PTPRR: variants seen among roughly 807,000 people sequenced by gnomAD.
PTPRR encodes receptor-type tyrosine-protein phosphatase R.
In PTPRR, 38 loss-of-function variants were observed where a neutral mutation model predicts 77.2. The observed-to-expected ratio is 0.49, with a 90% CI of 0.38 to 0.65. The LOEUF (loss-of-function observed/expected upper bound fraction) is 0.65, where lower values mean the gene tolerates loss of function less well. Among genes scored for constraint, PTPRR ranks in the 30% least tolerant of loss-of-function variants. The pLI is 0.00. For synonymous variants in PTPRR, 299 were observed against 283.1 expected, an observed-to-expected ratio of 1.06 and a Z score of -0.57; for missense variants, 744 against 799.2, an observed-to-expected ratio of 0.93 and a Z score of 0.83.
At chr12:70,799,142 C>A (rs1306235860) in intron 2 of PTPRR, among the ~76,000 whole-genome samples, 1 of 152,226 alleles carries the variant, frequency 6.6e-6, no homozygotes, top group South Asian at 2.1e-4. Context: ...TACCTGTACA[C>A]ATTAATTTTT....
chr12:70,880,900 G>C (rs748263464), intron 2 of PTPRR, among the ~76,000 whole-genome samples: 10 of 151,972 alleles, frequency 6.6e-5, no homozygotes, highest in Non-Finnish European at 1.3e-4. Flanking sequence ...GCATAGACTT[G>C]ATTTTATCAA....
At chr12:70,900,934 G>A (rs6581973) in intron 1 of PTPRR, among the ~76,000 whole-genome samples, 92,566 of 151,060 alleles carry the variant, frequency 0.61, 28,687 homozygotes, top group Non-Finnish European at 0.67. Context: ...ATGTAAATGA[G>A]TACAGGTGGT....
At position 70,746,114 on chromosome 12, in the gene PTPRR, G is replaced by A. The variant is rs780940321; in HGVS notation, c.739-28C>T. The A allele has an allele frequency of 3.8e-6, 6 of 1,586,170 alleles. No individual in the cohort carries two copies. In the South Asian group the frequency reaches 6.8e-5, roughly 18 times the overall value. On this transcript the variant is annotated intron_variant, in intron 5 of 13. Coordinates refer to ENST00000283228, the MANE Select transcript of PTPRR (RefSeq NM_002849.4). Reference sequence around the variant, plus strand: ...ATAGAAGGAGATATAAAAAACTCCTGTCACATTTTCTCACACTAAACAAGA... The same window carrying A: ...ATAGAAGGAGATATAAAAAACTCCTATCACATTTTCTCACACTAAACAAGA...
intron 2 of PTPRR, among the ~76,000 whole-genome samples, chr12:70,766,664 T>C (rs1438691984): frequency 8.0e-5 from 12 of 150,926 alleles, no homozygotes; most frequent in Admixed American, 4.6e-4. Flanking sequence ...ATACAGAGAA[T>C]GCCACAAAGA....
chr12:70,639,484 TCCC>T, intron 13 of PTPRR: 1 of 1,339,364 alleles, frequency 7.5e-7, no homozygotes, highest in Non-Finnish European at 9.6e-7. Flanking sequence ...TTAACACAGT[TCCC>T]AGCACACACT....
intron 6 of PTPRR, among the ~76,000 whole-genome samples, chr12:70,717,720 T>C (rs1297577334): frequency 2.6e-5 from 4 of 152,298 alleles, no homozygotes; most frequent in South Asian, 2.1e-4. Context: ...TGGAACACAA[T>C]TGACCTAATT....
At chr12:70,755,915 A>G (rs1890553018) in intron 4 of PTPRR, among the ~76,000 whole-genome samples, 1 of 152,128 alleles carries the variant, frequency 6.6e-6, no homozygotes, top group Admixed American at 6.6e-5. Context: ...AAACTCTTGC[A>G]GAAATCAGGT....
intron 10 of PTPRR, among the ~76,000 whole-genome samples, chr12:70,679,474 G>C (rs902327629): frequency 1.3e-5 from 2 of 152,166 alleles, no homozygotes; most frequent in South Asian, 4.1e-4. Flanking sequence ...CCATTGCTGA[G>C]AGTGGGGTGT....
intron 2 of PTPRR, among the ~76,000 whole-genome samples, chr12:70,804,139 CTGTGTGTGTGTGTGTG>C (rs58442488): frequency 1.5e-5 from 2 of 137,250 alleles, no homozygotes; most frequent in African/African-American, 5.3e-5. Context: ...GTTCCTGGCT[CTGTGTGTGTGTGTGTG>C]TGTGTGTGTG....
intron 8 of PTPRR, among the ~76,000 whole-genome samples, chr12:70,688,436 C>A (rs1381527116): frequency 2.6e-5 from 4 of 152,034 alleles, no homozygotes; most frequent in Non-Finnish European, 4.4e-5. Context: ...TCCAACAGAT[C>A]TACGAAAAAA....
chr12:70,639,324 A>G lies in PTPRR; in HGVS notation c.1881-47T>C, dbSNP rs147551616. On this transcript the variant is annotated intron_variant, in intron 13 of 13. Transcript: ENST00000283228. ...ATAACTGATTTTGCTAAAATCTTGC[A>G]ATTTCAAGTAACACAGAGATTTCAT... is the stretch of plus-strand genomic sequence containing the variant. The G allele has an allele frequency of 7.3e-5, 115 of 1,584,834 alleles. 1 individual carries two copies. In the East Asian group the frequency reaches 2.5e-3, roughly 35 times the overall value.
chr12:70,740,946 G>T (rs563084515), intron 6 of PTPRR, among the ~76,000 whole-genome samples: 3 of 152,102 alleles, frequency 2.0e-5, no homozygotes, highest in Non-Finnish European at 2.9e-5. Context: ...TGCCAGAAAA[G>T]CTTTCTGCAT....
intron 6 of PTPRR, among the ~76,000 whole-genome samples, chr12:70,704,022 G>A (rs977276912): frequency 6.6e-6 from 1 of 152,302 alleles, no homozygotes; most frequent in East Asian, 1.9e-4. Flanking sequence ...GAAGCAGTTT[G>A]AGCTAGAGTT....
chr12:70,861,767 G>A (rs1010247384), intron 2 of PTPRR, among the ~76,000 whole-genome samples: 2 of 152,066 alleles, frequency 1.3e-5, no homozygotes, highest in African/African-American at 2.4e-5. Flanking sequence ...TTGTTAAAGG[G>A]CCATCAATCT....
Position 70,677,530 on chromosome 12 carries a change from ATGTTTG to A in PTPRR, c.1497+6591_1497+6596del, listed in dbSNP as rs777316778. 4.7e-4 allele frequency among the ~76,000 whole-genome samples: 72 copies of A among 152,130 alleles called. 1 individual carries two copies. Among genetic ancestry groups the A allele is most frequent in the Non-Finnish European group, 1.3e-4 (9 of 68,024 alleles). ...TTTCAACTTTTCCACATTCAATATG[ATGTTTG>A]TTGTGGGCTTGTCATATATGGACTT... On this transcript the variant is annotated intron_variant, in intron 10 of 13. Transcript: ENST00000283228.
intron 10 of PTPRR, among the ~76,000 whole-genome samples, chr12:70,681,032 G>A (rs1474770824): frequency 6.6e-6 from 1 of 152,190 alleles, no homozygotes. Flanking sequence ...TGGGCTTCAT[G>A]GATGGGGCAC....
At chr12:70,734,193 G>A (rs1326738604) in intron 6 of PTPRR, among the ~76,000 whole-genome samples, 2 of 105,188 alleles carry the variant, frequency 1.9e-5, no homozygotes, top group East Asian at 2.9e-4. Flanking sequence ...TTGGAACATG[G>A]TCCCCTAGCA....
chr12:70,902,968 A>G (rs1893563740), intron 1 of PTPRR, among the ~76,000 whole-genome samples: 1 of 151,836 alleles, frequency 6.6e-6, no homozygotes, highest in Non-Finnish European at 1.5e-5. Context: ...CTTTGTGGCA[A>G]CATGGATAAA....
At chr12:70,681,699 T>C (rs1187457555) in intron 10 of PTPRR, among the ~76,000 whole-genome samples, 1 of 152,204 alleles carries the variant, frequency 6.6e-6, no homozygotes, top group Non-Finnish European at 1.5e-5. Context: ...TGGCTCTTTT[T>C]TTTGGTGGGA....
Sources: gnomAD v4.1 joint callset for allele counts (sites outside exome capture counted in the v4.1 genomes callset) on GRCh38, gnomAD v4.1.1 for gene constraint, MANE v1.5 for transcripts, NCBI Gene and HGNC (gene_info 2026-07-23, HGNC 2026-07-21) for gene names.